Variants in CSMD1 observed in about 807,000 individuals in gnomAD.
CSMD1 encodes CUB and Sushi multiple domains 1.
Under a neutral mutation model 417.5 loss-of-function variants are expected in CSMD1, and 213 were observed. The ratio of observed to expected loss-of-function variants is 0.51; its 90% CI spans 0.46 to 0.57. The LOEUF is 0.57. Among genes scored for constraint, CSMD1 ranks in the 20% least tolerant of loss-of-function variants. The pLI, the probability that CSMD1 is intolerant of heterozygous loss-of-function variation, is 0.00. For missense variants in CSMD1, 6,923 were observed against 4,529.7 expected (o/e 1.53, Z -15.17); for synonymous variants, 2,862 against 1,736.8 (o/e 1.65, Z -16.11).
intron 26 of CSMD1, among the ~76,000 whole-genome samples, chr8:3,250,597 T>C (rs139825684): frequency 0.073 from 11,044 of 152,242 alleles, 553 homozygotes; most frequent in Admixed American, 0.13. Flanking sequence ...CTGGGTCAAA[T>C]GGTATTTCTA....
chr8:4,677,787 G>A (rs746011667), intron 1 of CSMD1, among the ~76,000 whole-genome samples: 6 of 152,118 alleles, frequency 3.9e-5, no homozygotes, highest in Non-Finnish European at 7.3e-5. Context: ...AAAACAGAAG[G>A]TAATGTAAAA....
At chr8:4,960,465 A>G (rs1421169525) in intron 1 of CSMD1, among the ~76,000 whole-genome samples, 5 of 152,286 alleles carry the variant, frequency 3.3e-5, no homozygotes, top group African/African-American at 1.2e-4. Context: ...GGGATAAACA[A>G]AGTACCAAAC....
In CSMD1 at chr8:4,565,954, C is replaced by T. The variant is rs1356444752; in HGVS notation, c.302+71388G>A. On this transcript the variant is annotated intron_variant, in intron 2 of 69. Transcript: ENST00000635120. ...AAAAATTATTTCCATTTACTATTTC[C>T]TATTATTCTCAGTATAATCTATATT... 4.0e-5 allele frequency among the ~76,000 whole-genome samples: 6 copies of T among 151,312 alleles called. 1 individual carries two copies. In the East Asian group the frequency reaches 1.2e-3, roughly 29 times the overall value.
At chr8:3,903,672 C>G (rs139882660) in intron 5 of CSMD1, among the ~76,000 whole-genome samples, 3 of 152,126 alleles carry the variant, frequency 2.0e-5, no homozygotes, top group Non-Finnish European at 2.9e-5. Flanking sequence ...TTGACCCTGG[C>G]TGTCTAATGA....
At chr8:3,502,178 C>T (rs531356451) in intron 10 of CSMD1, among the ~76,000 whole-genome samples, 4 of 151,994 alleles carry the variant, frequency 2.6e-5, no homozygotes, top group South Asian at 2.1e-4. Context: ...TACTGGCTAA[C>T]GTGGTGAAAC....
At chr8:4,448,321 G>T (rs917447478) in intron 2 of CSMD1, among the ~76,000 whole-genome samples, 4 of 152,162 alleles carry the variant, frequency 2.6e-5, no homozygotes, top group Non-Finnish European at 5.9e-5. Flanking sequence ...GATCTAGGAG[G>T]ATTTTTAATT....
At chr8:4,823,064 G>A (rs1342643031) in intron 1 of CSMD1, among the ~76,000 whole-genome samples, 1 of 152,008 alleles carries the variant, frequency 6.6e-6, no homozygotes, top group African/African-American at 2.4e-5. Context: ...TTGCCACTCT[G>A]TCCACTAAAT....
At chr8:4,043,497 T>G (rs1391731713) in intron 3 of CSMD1, among the ~76,000 whole-genome samples, 4 of 152,136 alleles carry the variant, frequency 2.6e-5, no homozygotes, top group Non-Finnish European at 5.9e-5. Context: ...AAAAAGTATT[T>G]TAAATACAAA....
At chr8:3,865,513 G>A (rs902306803) in intron 5 of CSMD1, among the ~76,000 whole-genome samples, 9 of 152,090 alleles carry the variant, frequency 5.9e-5, no homozygotes, top group Middle Eastern at 3.4e-3. Flanking sequence ...CAATAGTGGG[G>A]GAAAGAGTTG....
Position 3,765,278 on chromosome 8 carries a change from G to A in CSMD1, c.819-11236C>T, listed in dbSNP as rs1192390068. On this transcript the variant is annotated intron_variant, in intron 5 of 69. Coordinates refer to ENST00000635120, the MANE Select transcript of CSMD1 (RefSeq NM_033225.6). Reference sequence around the variant, plus strand: ...GATCCTGTGCAGTCAATCTATGCTAGCCCCACGGACTCACTTTTGCCTGTG... The same window carrying A: ...GATCCTGTGCAGTCAATCTATGCTAACCCCACGGACTCACTTTTGCCTGTG... Among the ~76,000 whole-genome samples the A allele has an allele frequency of 3.3e-5, 5 of 152,216 alleles. No homozygotes were observed. In the South Asian group the frequency reaches 8.3e-4, roughly 25 times the overall value.
At chr8:4,611,879 T>A (rs1436642150) in intron 2 of CSMD1, among the ~76,000 whole-genome samples, 1 of 152,160 alleles carries the variant, frequency 6.6e-6, no homozygotes, top group Non-Finnish European at 1.5e-5. Context: ...TCATAATGCA[T>A]CTTAAAGGTC....
chr8:4,947,340 A>G (rs536036885), intron 1 of CSMD1, among the ~76,000 whole-genome samples: 1 of 152,150 alleles, frequency 6.6e-6, no homozygotes. Context: ...CCCAGTTAAA[A>G]TGCATAACTA....
chr8:3,819,677 G>A (rs1464499962), intron 5 of CSMD1, among the ~76,000 whole-genome samples: 2 of 152,084 alleles, frequency 1.3e-5, no homozygotes, highest in African/African-American at 2.4e-5. Flanking sequence ...TTGGCCTACT[G>A]GGGGTCTTAG....
At chr8:4,800,275 C>T (rs1340238162) in intron 1 of CSMD1, among the ~76,000 whole-genome samples, 1 of 151,678 alleles carries the variant, frequency 6.6e-6, no homozygotes, top group African/African-American at 2.4e-5. Flanking sequence ...ACTAAAAATA[C>T]AAAAAATTAG....
intron 10 of CSMD1, among the ~76,000 whole-genome samples, chr8:3,557,041 T>C (rs951471895): frequency 6.6e-6 from 1 of 152,310 alleles, no homozygotes; most frequent in East Asian, 1.9e-4. Context: ...TGCAGGGTAA[T>C]GGCACTGTCA....
intron 25 of CSMD1, among the ~76,000 whole-genome samples, chr8:3,304,655 A>ACGAAGAAAATT (rs1424943695): frequency 6.6e-6 from 1 of 152,174 alleles, no homozygotes; most frequent in Non-Finnish European, 1.5e-5. Context: ...ATATACGTAT[A>ACGAAGAAAATT]CGAAGAAAAT....
At chr8:3,760,675 G>C (rs1256323362) in intron 5 of CSMD1, among the ~76,000 whole-genome samples, 2 of 152,208 alleles carry the variant, frequency 1.3e-5, no homozygotes, top group African/African-American at 4.8e-5. Flanking sequence ...AAATGCATTT[G>C]GAAATGCTAA....
At chr8:4,366,254 CTTT>C (rs56366201) in intron 3 of CSMD1, among the ~76,000 whole-genome samples, 3 of 150,574 alleles carry the variant, frequency 2.0e-5, no homozygotes, top group Non-Finnish European at 4.4e-5. Flanking sequence ...AGACGTGATT[CTTT>C]TTTTTTTCTG....
rs1398464888 is a variant in CSMD1, at chr8:4,223,710, G to T, written c.416-191611C>A. On this transcript the variant is annotated intron_variant, in intron 3 of 69. Coordinates refer to ENST00000635120, the MANE Select transcript of CSMD1 (RefSeq NM_033225.6). ...ACTTCCAGAGCCTGAATATTTTTTTGTTATCTGAAAAATGAGGAATTTGGG... is the reference window on the plus strand; with the variant it reads ...ACTTCCAGAGCCTGAATATTTTTTTTTTATCTGAAAAATGAGGAATTTGGG... Among the ~76,000 whole-genome samples, 3 of 152,206 alleles carry T rather than the reference G, an allele frequency of 2.0e-5. No individual in the cohort carries two copies. In the East Asian group the frequency reaches 5.8e-4, roughly 29 times the overall value.
Sources: allele counts gnomAD v4.1 joint callset (sites outside exome capture counted in the v4.1 genomes callset), GRCh38; gene constraint gnomAD v4.1.1; transcripts MANE v1.5; gene names NCBI Gene and HGNC (gene_info 2026-07-23, HGNC 2026-07-21).